GYG1: variants seen among roughly 807,000 people sequenced by gnomAD.
GYG1 encodes glycogenin-1.
GYG1 carries 44 observed loss-of-function variants against 41.9 expected under a neutral mutation model. The ratio of observed to expected loss-of-function variants is 1.05; its 90% CI spans 0.83 to 1.35. The LOEUF (loss-of-function observed/expected upper bound fraction) is 1.35. Ranked by LOEUF, GYG1 falls within the 40% of genes most tolerant of loss-of-function variation. The pLI is 0.00. For synonymous variants in GYG1, 141 were observed against 158.1 expected (o/e 0.89, Z 0.81); for missense variants, 429 against 418.9 (o/e 1.02, Z -0.21).
chr3:149,019,773 C>T (rs1234311139), intron 5 of GYG1, among the ~76,000 whole-genome samples: 2 of 152,178 alleles, frequency 1.3e-5, no homozygotes, highest in African/African-American at 4.8e-5. Context: ...GGATTGTTTC[C>T]AAATGGTGTT....
chr3:148,994,296 C>A lies in GYG1; in HGVS notation c.143+19C>A, dbSNP rs533609978. 1.2e-5 allele frequency: 20 copies of A among 1,613,192 alleles called. No individual in the cohort carries two copies. The highest frequency in any genetic ancestry group is 1.4e-5 in the Non-Finnish European group (17 of 1,179,196). ...CCATGAGGTGAGGACCTCGCTGCCA[C>A]CCCAGCATCCAAGGGGCTCTGACAT... On this transcript the variant is annotated intron_variant, in intron 2 of 7. Transcript: ENST00000345003.
At chr3:149,005,302 G>T (rs984686843) in intron 4 of GYG1, among the ~76,000 whole-genome samples, 5 of 151,918 alleles carry the variant, frequency 3.3e-5, no homozygotes, top group African/African-American at 1.2e-4. Flanking sequence ...AGCATTAAAA[G>T]AATAATAGGA....
chr3:148,998,579 G>A (rs893911161), intron 4 of GYG1, among the ~76,000 whole-genome samples: 12 of 152,316 alleles, frequency 7.9e-5, no homozygotes, highest in African/African-American at 2.9e-4. Flanking sequence ...CTAACAAGAA[G>A]TGAAGTCTTG....
chr3:148,995,408 C>T (rs1430919827), intron 2 of GYG1, among the ~76,000 whole-genome samples: 3 of 152,132 alleles, frequency 2.0e-5, no homozygotes, highest in Admixed American at 1.3e-4. Flanking sequence ...GGCCAAGGGT[C>T]TCTAAAAAGT....
chr3:148,994,806 G>GGTTTTACTA (rs1305137910), intron 2 of GYG1, among the ~76,000 whole-genome samples: 3 of 152,126 alleles, frequency 2.0e-5, no homozygotes, highest in Admixed American at 6.5e-5. Flanking sequence ...TTCCAAACTA[G>GGTTTTACTA]GTTTTACTAG....
chr3:149,018,632 T>C (rs1714198137), intron 5 of GYG1, among the ~76,000 whole-genome samples: 1 of 152,210 alleles, frequency 6.6e-6, no homozygotes, highest in Non-Finnish European at 1.5e-5. Context: ...CAAAGGGCTC[T>C]TGGGCTGGTC....
At chr3:149,026,237 T>G (rs556608804) in intron 6 of GYG1, among the ~76,000 whole-genome samples, 5 of 152,360 alleles carry the variant, frequency 3.3e-5, no homozygotes, top group East Asian at 3.8e-4. Flanking sequence ...AGAAGTTTGG[T>G]ACCTAGTCTC....
chr3:148,992,478 T>A (rs1404347885), intron 1 of GYG1: 1 of 152,348 alleles, frequency 6.6e-6, no homozygotes, highest in Non-Finnish European at 1.5e-5. Context: ...TTGGCTAGTC[T>A]GGTGTTCTAA....
intron 4 of GYG1, among the ~76,000 whole-genome samples, chr3:148,999,600 T>C (rs1180229361): frequency 6.6e-6 from 1 of 152,250 alleles, no homozygotes; most frequent in Non-Finnish European, 1.5e-5. Context: ...GTTGGACTTA[T>C]GCTTGATAGC....
intron 5 of GYG1, among the ~76,000 whole-genome samples, chr3:149,016,068 C>A (rs1036838991): frequency 1.3e-5 from 2 of 151,812 alleles, no homozygotes; most frequent in Admixed American, 1.3e-4. Flanking sequence ...CGAGACCGTC[C>A]TGGCTAACAG....
Position 148,994,279 on chromosome 3 carries a change from T to G in GYG1, c.143+2T>G. 6.2e-7 allele frequency: 1 copy of G among 1,613,888 alleles called. No homozygotes were observed. The highest frequency in any genetic ancestry group is 8.5e-7 in the Non-Finnish European group (1 of 1,179,862). The stretch of plus-strand genomic sequence containing the variant: ...CCCTCAGGTCTCAGACTCCATGAGG[T>G]GAGGACCTCGCTGCCACCCCAGCAT... On this transcript the variant is annotated splice_donor_variant, in intron 2 of 7. Coordinates refer to ENST00000345003, the MANE Select transcript of GYG1 (RefSeq NM_004130.4). LOFTEE classifies it high-confidence loss of function.
intron 4 of GYG1, among the ~76,000 whole-genome samples, chr3:148,998,758 AT>A (rs1712944028): frequency 6.6e-6 from 1 of 152,206 alleles, no homozygotes; most frequent in Non-Finnish European, 1.5e-5. Flanking sequence ...TGTATTCCTT[AT>A]TTCTACTGCT....
intron 4 of GYG1, among the ~76,000 whole-genome samples, chr3:149,002,221 A>G (rs1213275879): frequency 6.6e-6 from 1 of 152,202 alleles, no homozygotes; most frequent in Admixed American, 6.5e-5. Flanking sequence ...CTGGTAAATA[A>G]TACAGATTTT....
intron 1 of GYG1, among the ~76,000 whole-genome samples, chr3:148,993,898 C>G (rs867374256): frequency 2.0e-5 from 3 of 152,256 alleles, no homozygotes; most frequent in African/African-American, 7.2e-5. Context: ...TTTAGCGTGT[C>G]GGATTTAATT....
chr3:148,996,961 G>A, intron 4 of GYG1, 57 bp downstream of exon 4: 1 of 1,264,026 alleles, frequency 7.9e-7, no homozygotes, highest in Non-Finnish European at 1.2e-6. Context: ...TCTAGGGGCT[G>A]CTCTTCTCAG....
chr3:149,009,279 G>GT lies in GYG1; in HGVS notation c.485_486insT (p.Asp163GlyfsTer10). 6.2e-7 allele frequency: 1 copy of GT among 1,611,006 alleles called. No individual in the cohort carries two copies. Among genetic ancestry groups the GT allele is most frequent in the Non-Finnish European group, 8.5e-7 (1 of 1,177,298 alleles). On this transcript the variant is annotated frameshift_variant, in exon 5 of 8. Transcript: ENST00000345003. LOFTEE classifies it high-confidence loss of function. Reference sequence around the variant, plus strand: ...TTTATATATTTTTTTCTTTTAGGTGGGGACCAAGGCATACTGAACACATTT... The same window carrying GT: ...TTTATATATTTTTTTCTTTTAGGTGGTGGACCAAGGCATACTGAACACATTT...
At position 149,024,053 on chromosome 3, in the gene GYG1, G is replaced by A. The variant is rs75445811; in HGVS notation, c.609G>A (p.Val203=). 3.9e-4 allele frequency: 631 copies of A among 1,612,520 alleles called. 4 individuals carry two copies. In the African/African-American group the frequency reaches 6.2e-3, roughly 16 times the overall value. Residue 203 remains valine (V), a splice_region_variant and synonymous_variant, in exon 6 of 8, where the codon GTG becomes GTA. Transcript: ENST00000345003. ...SIYSYLPAFK[V]FGASAKVVHF... ...GTTTCAACTTGCGTTCACTTGGCAG[G>A]TTTGGTGCAAGTGCCAAAGTTGTGC...
At position 148,996,909 on chromosome 3, in the gene GYG1, G is replaced by C. The variant is rs1436633774; in HGVS notation, c.481+5G>C. 1 of 1,605,986 alleles carries C rather than the reference G, an allele frequency of 6.2e-7. No individual in the cohort carries two copies. Among genetic ancestry groups the C allele is most frequent in the Non-Finnish European group, 8.5e-7 (1 of 1,172,634 alleles). On this transcript the variant is annotated splice_donor_5th_base_variant and intron_variant, in intron 4 of 7. Transcript: ENST00000345003. ...CTGAGCAAGGTAGTTTTGATGGTAT[G>C]TATTTGCTATCTTCATGTCTGATAA...
intron 6 of GYG1, among the ~76,000 whole-genome samples, chr3:149,024,541 A>G (rs1388167071): frequency 1.3e-5 from 2 of 152,204 alleles, no homozygotes; most frequent in African/African-American, 2.4e-5. Flanking sequence ...TTCTTAGCCC[A>G]TTCTCCTCTG....
Sources: gnomAD v4.1 joint callset for allele counts (sites outside exome capture counted in the v4.1 genomes callset) on GRCh38, gnomAD v4.1.1 for gene constraint, MANE v1.5 for transcripts, NCBI Gene and HGNC (gene_info 2026-07-23, HGNC 2026-07-21) for gene names.